Variants in USP17L13 observed in about 807,000 individuals in gnomAD.
USP17L13 encodes the protein ubiquitin carboxyl-terminal hydrolase 17-like protein 13.
At position 9,226,188 on chromosome 4, in the gene USP17L13, A is replaced by G; in HGVS notation, c.1293A>G (p.Glu431=). 2 of 100,368 alleles carry G rather than the reference A, an allele frequency of 2.0e-5. 1 individual carries two copies. Among genetic ancestry groups the G allele is most frequent in the South Asian group, 1.4e-4 (2 of 13,816 alleles). 6.2% of individuals were successfully genotyped at this position (100,368 alleles called of 1,614,324 possible). ...ACTTGGTGGAAAGAGCCACTCAGGAAAGCACCTTAGACCGCTGGAAATTCC... is the reference window on the plus strand; with the variant it reads ...ACTTGGTGGAAAGAGCCACTCAGGAGAGCACCTTAGACCGCTGGAAATTCC... ...DEHLVERATQ[E]STLDRWKFLQ... is the part of the protein sequence containing the mutation. The change falls in exon 1 of 1, where the codon GAA becomes GAG. Residue 431 remains glutamate, a synonymous_variant. Transcript: ENST00000429667.
chr4:9,226,248 C>T lies in USP17L13; in HGVS notation c.1353C>T (p.Asn451=). The change falls in exon 1 of 1, where the codon AAC becomes AAT. Residue 451 remains asparagine, a synonymous_variant. Coordinates refer to ENST00000429667, the MANE Select transcript of USP17L13 (RefSeq NM_001256855.1). ...AAAACAAAACGAAGCCTGAGTTCAACGTCAGAAAAGTCGAAGGTACCCTGC... is the reference window on the plus strand; with the variant it reads ...AAAACAAAACGAAGCCTGAGTTCAATGTCAGAAAAGTCGAAGGTACCCTGC... The part of the protein sequence containing the change: ...QEQNKTKPEF[N]VRKVEGTLPP... 2.4e-5 allele frequency: 2 copies of T among 83,220 alleles called. 1 individual carries two copies. The highest frequency in any genetic ancestry group is 4.0e-5 in the Non-Finnish European group (2 of 50,142). The allele number at this position is 83,220 out of a possible 1,614,324, so 5.2% of individuals were successfully genotyped here.
Position 9,226,195 on chromosome 4 carries a change from T to G in USP17L13, c.1300T>G (p.Leu434Val). ...LVERATQEST[L>V]DRWKFLQEQN... ...GGAAAGAGCCACTCAGGAAAGCACC[T>G]TAGACCGCTGGAAATTCCTTCAAGA... Residue 434 changes from leucine (L) to valine (V), a missense_variant, in exon 1 of 1, where the codon TTA becomes GTA. Coordinates refer to ENST00000429667, the MANE Select transcript of USP17L13 (RefSeq NM_001256855.1). 1 of 111,760 alleles carries G rather than the reference T, an allele frequency of 8.9e-6. No individual in the cohort carries two copies. The highest frequency in any genetic ancestry group is 1.0e-4 in the Admixed American group (1 of 9,660). The allele number at this position is 111,760 out of a possible 1,614,324, so 6.9% of individuals were successfully genotyped here.
Position 9,226,149 on chromosome 4 carries a change from C to G in USP17L13, c.1254C>G (p.Pro418=). The G allele has an allele frequency of 1.7e-5, 1 of 59,220 alleles. No homozygotes were observed. The highest frequency in any genetic ancestry group is 9.2e-5 in the South Asian group (1 of 10,912). The allele number at this position is 59,220 out of a possible 1,614,324, so 3.7% of individuals were successfully genotyped here. ...LKRDHPCLQA[P]ELDEHLVERA... ...GAGACCACCCCTGCCTCCAGGCCCC[C>G]GAGTTGGACGAGCACTTGGTGGAAA... is the stretch of plus-strand genomic sequence containing the variant. Residue 418 remains proline, a synonymous_variant, in exon 1 of 1, where the codon CCC becomes CCG. Transcript: ENST00000429667.
At position 9,226,191 on chromosome 4, in the gene USP17L13, C is replaced by T. The variant is rs1199025110; in HGVS notation, c.1296C>T (p.Ser432=). Residue 432 remains serine (S), a synonymous_variant, in exon 1 of 1, where the codon AGC becomes AGT. Coordinates refer to ENST00000429667, the MANE Select transcript of USP17L13 (RefSeq NM_001256855.1). ...EHLVERATQE[S]TLDRWKFLQE... ...TGGTGGAAAGAGCCACTCAGGAAAG[C>T]ACCTTAGACCGCTGGAAATTCCTTC... The T allele has an allele frequency of 1.9e-5, 2 of 106,724 alleles. 1 individual carries two copies. Among genetic ancestry groups the T allele is most frequent in the Non-Finnish European group, 3.0e-5 (2 of 66,658 alleles). 6.6% of individuals were successfully genotyped at this position (106,724 alleles called of 1,614,324 possible).
At position 9,226,241 on chromosome 4, in the gene USP17L13, A is replaced by T. The variant is rs1330989390; in HGVS notation, c.1346A>T (p.Glu449Val). 1.1e-5 allele frequency: 1 copy of T among 92,358 alleles called. No homozygotes were observed. The highest frequency in any genetic ancestry group is 1.4e-4 in the Admixed American group (1 of 7,370). 5.7% of individuals were successfully genotyped at this position (92,358 alleles called of 1,614,324 possible). A position where few individuals can be genotyped will look rare whatever the true frequency, so the allele number is the denominator to read the frequency against. The change falls in exon 1 of 1, where the codon GAG becomes GTG. Residue 449 changes from glutamate to valine, a missense_variant. By Grantham distance (121) the Glu-to-Val change is moderately radical. Coordinates refer to ENST00000429667, the MANE Select transcript of USP17L13 (RefSeq NM_001256855.1). ...CAAGAGCAAAACAAAACGAAGCCTG[A>T]GTTCAACGTCAGAAAAGTCGAAGGT... ...FLQEQNKTKP[E>V]FNVRKVEGTL... is the part of the protein sequence containing the mutation.
Position 9,226,210 on chromosome 4 carries a change from T to C in USP17L13, c.1315T>C (p.Phe439Leu). 1 of 112,778 alleles carries C rather than the reference T, an allele frequency of 8.9e-6. No individual in the cohort carries two copies. The highest frequency in any genetic ancestry group is 1.4e-5 in the Non-Finnish European group (1 of 71,642). The allele number at this position is 112,778 out of a possible 1,614,324, so 7.0% of individuals were successfully genotyped here. The change falls in exon 1 of 1, where the codon TTC becomes CTC. Residue 439 changes from phenylalanine (F) to leucine (L), a missense_variant. Physicochemically the swap from Phe to Leu is conservative, Grantham distance 22. Coordinates refer to ENST00000429667, the MANE Select transcript of USP17L13 (RefSeq NM_001256855.1). The part of the protein sequence containing the change: ...TQESTLDRWK[F>L]LQEQNKTKPE... ...GGAAAGCACCTTAGACCGCTGGAAA[T>C]TCCTTCAAGAGCAAAACAAAACGAA... is the stretch of plus-strand genomic sequence containing the variant.
In USP17L13 at chr4:9,226,170, G is replaced by T. The variant is rs751571149; in HGVS notation, c.1275G>T (p.Val425=). Residue 425 remains valine (V), a synonymous_variant, in exon 1 of 1, where the codon GTG becomes GTT. Transcript: ENST00000429667. The part of the protein sequence containing the change: ...LQAPELDEHL[V]ERATQESTLD... Reference sequence around the variant, plus strand: ...CCCCCGAGTTGGACGAGCACTTGGTGGAAAGAGCCACTCAGGAAAGCACCT... The same window carrying T: ...CCCCCGAGTTGGACGAGCACTTGGTTGAAAGAGCCACTCAGGAAAGCACCT... 1.3e-5 allele frequency: 1 copy of T among 75,874 alleles called. No homozygotes were observed. Among genetic ancestry groups the T allele is most frequent in the Admixed American group, 1.3e-4 (1 of 7,696 alleles). 4.7% of individuals were successfully genotyped at this position (75,874 alleles called of 1,614,324 possible).
Position 9,225,238 on chromosome 4 carries a change from C to CA in USP17L13, c.346dup (p.Thr116AsnfsTer40). The CA allele has an allele frequency of 5.2e-4, 6 of 11,430 alleles. No individual in the cohort carries two copies. Among genetic ancestry groups the CA allele is most frequent in the Non-Finnish European group, 1.2e-3 (5 of 4,078 alleles). 0.7% of individuals were successfully genotyped at this position (11,430 alleles called of 1,614,324 possible). A position where few individuals can be genotyped will look rare whatever the true frequency, so the allele number is the denominator to read the frequency against. Reference sequence around the variant, plus strand: ...CTACATGCTGTCCCGGGAGCACTCTCAAACGTGTCATCGTCACAAGGGCTG... The same window carrying CA: ...CTACATGCTGTCCCGGGAGCACTCTCAAAACGTGTCATCGTCACAAGGGCTG... On this transcript the variant is annotated frameshift_variant, in exon 1 of 1. Coordinates refer to ENST00000429667, the MANE Select transcript of USP17L13 (RefSeq NM_001256855.1). LOFTEE classifies it low-confidence loss of function (END_TRUNC).
At position 9,226,214 on chromosome 4, in the gene USP17L13, T is replaced by C; in HGVS notation, c.1319T>C (p.Leu440Pro). 2 of 110,550 alleles carry C rather than the reference T, an allele frequency of 1.8e-5. 1 individual carries two copies. The highest frequency in any genetic ancestry group is 2.9e-5 in the Non-Finnish European group (2 of 70,006). 6.8% of individuals were successfully genotyped at this position (110,550 alleles called of 1,614,324 possible). Residue 440 changes from leucine (L) to proline (P), a missense_variant, in exon 1 of 1, where the codon CTT becomes CCT. By Grantham distance (98) the Leu-to-Pro change is moderately conservative. Transcript: ENST00000429667. Reference sequence around the variant, plus strand: ...AGCACCTTAGACCGCTGGAAATTCCTTCAAGAGCAAAACAAAACGAAGCCT... The same window carrying C: ...AGCACCTTAGACCGCTGGAAATTCCCTCAAGAGCAAAACAAAACGAAGCCT... ...QESTLDRWKFLQEQNKTKPEF... is the reference protein window; with the variant it reads ...QESTLDRWKFPQEQNKTKPEF...
Sources: gnomAD v4.1 joint callset for allele counts on GRCh38, gnomAD v4.1.1 for gene constraint, MANE v1.5 for transcripts, NCBI Gene and HGNC (gene_info 2026-07-23, HGNC 2026-07-21) for gene names.